The following FUT8 variants were observed in gnomAD, a reference collection of about 807,000 sequenced individuals.
FUT8 encodes fucosyltransferase 8.
In FUT8, 29 loss-of-function variants were observed where a neutral mutation model predicts 71.3. The ratio of observed to expected loss-of-function variants is 0.41; its 90% CI spans 0.30 to 0.55. FUT8 has a LOEUF of 0.55. FUT8 is among the 20% of genes least tolerant of loss of function. The pLI is 0.34. For synonymous variants in FUT8, 254 were observed against 239.3 expected, an observed-to-expected ratio of 1.06 and a Z score of -0.57; for missense variants, 544 against 702.1, an observed-to-expected ratio of 0.77 and a Z score of 2.55.
At chr14:65,737,739 T>C (rs1896286343) in intron 10 of FUT8, among the ~76,000 whole-genome samples, 1 of 152,164 alleles carries the variant, frequency 6.6e-6, no homozygotes, top group South Asian at 2.1e-4. Context: ...CTCTGTAGTT[T>C]CAGCCATTAA....
chr14:65,363,718 T>C, the FUT8 span, among the ~76,000 whole-genome samples: 3 of 152,204 alleles, frequency 2.0e-5, no homozygotes, highest in South Asian at 6.2e-4. Context: ...CAGTTTACCA[T>C]GCTTAGCTCA....
At chr14:65,378,756 A>G in the FUT8 span, among the ~76,000 whole-genome samples, 3 of 151,658 alleles carry the variant, frequency 2.0e-5, no homozygotes, top group Non-Finnish European at 4.4e-5. Context: ...TGACCCTTAC[A>G]GCATCAAAAT....
At chr14:65,648,179 CAG>C (rs1328481667) in intron 6 of FUT8, among the ~76,000 whole-genome samples, 1 of 152,222 alleles carries the variant, frequency 6.6e-6, no homozygotes, top group Non-Finnish European at 1.5e-5. Context: ...ATAATTTTGA[CAG>C]AAAATGTACA....
intron 7 of FUT8, among the ~76,000 whole-genome samples, chr14:65,709,395 A>G (rs1894710157): frequency 1.3e-5 from 2 of 152,216 alleles, no homozygotes; most frequent in Admixed American, 1.3e-4. Context: ...CAGTGCCTTG[A>G]TAAAACATTA....
intron 6 of FUT8, among the ~76,000 whole-genome samples, chr14:65,650,856 GA>G (rs34711031): frequency 3.2e-4 from 49 of 151,884 alleles, no homozygotes; most frequent in Middle Eastern, 3.4e-3. Context: ...AGAGAGGGGG[GA>G]AAAAAAAGCC....
intron 1 of FUT8, among the ~76,000 whole-genome samples, chr14:65,450,927 G>T (rs892509583): frequency 1.3e-5 from 2 of 150,828 alleles, no homozygotes; most frequent in African/African-American, 4.9e-5. Flanking sequence ...GTGCAGTGGC[G>T]CTCACTGCAA....
At chr14:65,429,088 TTGAC>T (rs1290670493) in intron 1 of FUT8, among the ~76,000 whole-genome samples, 6 of 152,278 alleles carry the variant, frequency 3.9e-5, no homozygotes, top group African/African-American at 1.4e-4. Flanking sequence ...GAGTAGACAA[TTGAC>T]TGAGTAGGCT....
intron 6 of FUT8, among the ~76,000 whole-genome samples, chr14:65,665,971 A>G (rs914848706): frequency 1.3e-5 from 2 of 152,088 alleles, no homozygotes; most frequent in African/African-American, 4.8e-5. Context: ...AGGAAAAGTA[A>G]CTAATGAGTA....
At chr14:65,611,131 C>T (rs1050882392) in intron 3 of FUT8, among the ~76,000 whole-genome samples, 2 of 149,866 alleles carry the variant, frequency 1.3e-5, no homozygotes, top group Admixed American at 1.3e-4. Context: ...TTTTTCATGG[C>T]CAGCAAGCTA....
At chr14:65,531,757 C>T (rs1188462244) in intron 2 of FUT8, among the ~76,000 whole-genome samples, 1 of 152,042 alleles carries the variant, frequency 6.6e-6, no homozygotes. Context: ...GTTTTCTGTT[C>T]CTCTCCCTGC....
the FUT8 span, among the ~76,000 whole-genome samples, chr14:65,374,738 G>C: frequency 3.3e-5 from 5 of 151,686 alleles, no homozygotes; most frequent in African/African-American, 1.2e-4. Context: ...GGGACTACAA[G>C]TGTGTGCCAC....
chr14:65,679,337 A>T (rs1346076850), intron 7 of FUT8, among the ~76,000 whole-genome samples: 1 of 152,232 alleles, frequency 6.6e-6, no homozygotes, highest in African/African-American at 2.4e-5. Context: ...AAATTGAGAC[A>T]TTAGAATCTA....
chr14:65,608,829 C>G (rs1888724212), intron 3 of FUT8, among the ~76,000 whole-genome samples: 1 of 151,936 alleles, frequency 6.6e-6, no homozygotes, highest in African/African-American at 2.4e-5. Context: ...TTGGATTTAC[C>G]TAATAACTAA....
the FUT8 span, among the ~76,000 whole-genome samples, chr14:65,386,347 C>CA: frequency 6.8e-6 from 1 of 146,232 alleles, no homozygotes; most frequent in Non-Finnish European, 1.5e-5. Flanking sequence ...TCTGTTTCTG[C>CA]AAAAAAATTA....
intron 3 of FUT8, among the ~76,000 whole-genome samples, chr14:65,599,845 T>C (rs886114314): frequency 2.0e-5 from 3 of 152,212 alleles, no homozygotes; most frequent in Admixed American, 6.5e-5. Context: ...GAAAAAGAGA[T>C]TTACAATAAT....
intron 2 of FUT8, among the ~76,000 whole-genome samples, chr14:65,460,248 G>T (rs746899242): frequency 1.4e-4 from 22 of 152,318 alleles, no homozygotes; most frequent in Non-Finnish European, 2.8e-4. Flanking sequence ...GATAGCTTTT[G>T]TTGGGGGCTA....
intron 3 of FUT8, among the ~76,000 whole-genome samples, chr14:65,614,232 A>T (rs532936084): frequency 6.6e-6 from 1 of 152,316 alleles, no homozygotes; most frequent in East Asian, 1.9e-4. Flanking sequence ...ACTTTTTGAG[A>T]TTACAGCTCA....
chr14:65,589,003 T>C (rs1887539319), intron 3 of FUT8, among the ~76,000 whole-genome samples: 3 of 152,172 alleles, frequency 2.0e-5, no homozygotes, highest in Admixed American at 2.0e-4. Flanking sequence ...TTTATTTCGC[T>C]CCTTTTTCTT....
chr14:65,647,261 TC>T (rs752943541), intron 6 of FUT8, among the ~76,000 whole-genome samples: 14 of 152,170 alleles, frequency 9.2e-5, no homozygotes, highest in Non-Finnish European at 1.5e-4. Context: ...TTCTTCTTGT[TC>T]CTCTAGTATG....
Sources: allele counts gnomAD v4.1 joint callset (sites outside exome capture counted in the v4.1 genomes callset), GRCh38; gene constraint gnomAD v4.1.1; transcripts MANE v1.5; gene names NCBI Gene and HGNC (gene_info 2026-07-23, HGNC 2026-07-21).